TTC28: variants seen among roughly 807,000 people sequenced by gnomAD.
TTC28 encodes the protein tetratricopeptide repeat domain 28, also known as tetratricopeptide repeat protein 28.
TTC28 carries 61 observed loss-of-function variants against 198.0 expected under a neutral mutation model. The observed-to-expected ratio is 0.31, with a 90% confidence interval of 0.25 to 0.38. The LOEUF (loss-of-function observed/expected upper bound fraction) is 0.38, where lower values mean the gene tolerates loss of function less well. Ranked by LOEUF, TTC28 falls within the 10% of genes least tolerant of loss-of-function variation. The probability of loss-of-function intolerance (pLI) is 1.00; values close to 1 mark genes in which losing one functional copy is unlikely to be tolerated. For missense variants in TTC28, 2,678 were observed against 3,164.0 expected (o/e 0.85, Z 3.69); for synonymous variants, 1,171 against 1,297.8 (o/e 0.90, Z 2.10).
intron 2 of TTC28, among the ~76,000 whole-genome samples, chr22:28,370,711 TAG>T (rs1178402712): frequency 6.6e-6 from 1 of 151,912 alleles, no homozygotes; most frequent in Non-Finnish European, 1.5e-5. Context: ...AAGAGAGTAG[TAG>T]AGAGAGAGAC....
intron 12 of TTC28, among the ~76,000 whole-genome samples, chr22:28,036,082 C>T (rs998937854): frequency 1.6e-4 from 25 of 152,094 alleles, no homozygotes; most frequent in East Asian, 5.8e-4. Context: ...GACAGATCAA[C>T]GAGACAGAAG....
chr22:28,381,154 G>C (rs1265977767), intron 2 of TTC28, among the ~76,000 whole-genome samples: 1 of 149,238 alleles, frequency 6.7e-6, no homozygotes, highest in East Asian at 1.9e-4. Flanking sequence ...AAAAAGAAAA[G>C]AAAAAAAAGT....
chr22:28,650,677 G>C (rs555831352), intron 1 of TTC28, among the ~76,000 whole-genome samples: 2 of 152,308 alleles, frequency 1.3e-5, no homozygotes, highest in South Asian at 4.1e-4. Context: ...ATCCAAGGGA[G>C]AGAGAAACCT....
chr22:28,371,271 A>G (rs2046326808), intron 2 of TTC28, among the ~76,000 whole-genome samples: 1 of 151,336 alleles, frequency 6.6e-6, no homozygotes, highest in Non-Finnish European at 1.5e-5. Flanking sequence ...TAGTCCCAGC[A>G]CTTTGGGAGG....
intron 5 of TTC28, among the ~76,000 whole-genome samples, chr22:28,199,419 A>G (rs962979576): frequency 4.3e-5 from 5 of 116,676 alleles, no homozygotes; most frequent in African/African-American, 9.6e-5. Flanking sequence ...ATATATATAT[A>G]TATGTAACTA....
intron 2 of TTC28, among the ~76,000 whole-genome samples, chr22:28,517,358 A>C (rs1601499648): frequency 6.6e-6 from 1 of 152,226 alleles, no homozygotes; most frequent in African/African-American, 2.4e-5. Flanking sequence ...ATACTAAAAA[A>C]ATCAAGTTGC....
chr22:28,408,552 G>A (rs1004886100), intron 2 of TTC28, among the ~76,000 whole-genome samples: 7 of 152,048 alleles, frequency 4.6e-5, no homozygotes, highest in African/African-American at 1.2e-4. Flanking sequence ...CACCACACCC[G>A]GCTAATTTTT....
chr22:28,262,805 G>A (rs887894924), intron 5 of TTC28, among the ~76,000 whole-genome samples: 4 of 152,224 alleles, frequency 2.6e-5, no homozygotes, highest in Non-Finnish European at 2.9e-5. Flanking sequence ...GGAGAACTAG[G>A]GCTTTCCTTA....
chr22:28,233,702 T>G (rs983484313), intron 5 of TTC28, among the ~76,000 whole-genome samples: 11 of 152,126 alleles, frequency 7.2e-5, no homozygotes, highest in African/African-American at 2.4e-4. Flanking sequence ...GATCACGAGT[T>G]AAATGACAAT....
intron 5 of TTC28, among the ~76,000 whole-genome samples, chr22:28,247,870 T>C (rs1930222167): frequency 6.6e-6 from 1 of 152,160 alleles, no homozygotes; most frequent in Non-Finnish European, 1.5e-5. Flanking sequence ...TTGAATGGTT[T>C]TGACTACCTA....
rs190245655 is a variant in TTC28, at chr22:28,108,198, G to A, written c.1647C>T (p.Asp549=). 6.4e-7 allele frequency: 1 copy of A among 1,551,628 alleles called. No individual in the cohort carries two copies. Among genetic ancestry groups the A allele is most frequent in the East Asian group, 2.4e-5 (1 of 40,908 alleles). ...QELQISMEVN[D]RASQASTHGN... ...CATGTGTGGAGGCCTGTGAGGCGCGGTCATTCACTTCCATGGAGATCTGCA... is the reference window on the plus strand; with the variant it reads ...CATGTGTGGAGGCCTGTGAGGCGCGATCATTCACTTCCATGGAGATCTGCA... Residue 549 remains aspartate (D), a synonymous_variant, in exon 7 of 23, where the codon GAC becomes GAT. Coordinates refer to ENST00000397906, the MANE Select transcript of TTC28 (RefSeq NM_001145418.2).
rs532774262 is a variant in TTC28 at position 28,671,431 on chromosome 22, C to T, written c.102+8191G>A. On this transcript the variant is annotated intron_variant, in intron 1 of 22. Coordinates refer to ENST00000397906, the MANE Select transcript of TTC28 (RefSeq NM_001145418.2). ...CAGGTGGATCACGAGGTCAGGAGAT[C>T]GAGACCATCCTATCTAACACAGTGA... is the stretch of plus-strand genomic sequence containing the variant. Among the ~76,000 whole-genome samples the T allele has an allele frequency of 5.9e-3, 899 of 151,842 alleles. 9 individuals are homozygous for T. Among genetic ancestry groups the T allele is most frequent in the Non-Finnish European group, 7.8e-3 (528 of 67,948 alleles).
intron 1 of TTC28, among the ~76,000 whole-genome samples, chr22:28,658,578 T>C (rs898860713): frequency 2.0e-5 from 3 of 152,234 alleles, no homozygotes; most frequent in Admixed American, 2.0e-4. Flanking sequence ...GTTTCACTTT[T>C]ACAAGATGAA....
chr22:28,369,094 T>G (rs2046290337), intron 2 of TTC28, among the ~76,000 whole-genome samples: 1 of 151,854 alleles, frequency 6.6e-6, no homozygotes, highest in Admixed American at 6.6e-5. Context: ...TCCTAAAATG[T>G]ATATGGAATC....
chr22:28,118,330 C>T (rs975556877), intron 6 of TTC28, among the ~76,000 whole-genome samples: 1 of 151,408 alleles, frequency 6.6e-6, no homozygotes, highest in Non-Finnish European at 1.5e-5. Context: ...ACCCAGGAGG[C>T]GGAGGTTGCA....
At chr22:28,156,970 T>C (rs1943762647) in intron 6 of TTC28, among the ~76,000 whole-genome samples, 1 of 152,106 alleles carries the variant, frequency 6.6e-6, no homozygotes. Context: ...ATAAAATTAA[T>C]TTGAAATTAA....
At chr22:28,027,279 G>A (rs2146621120) in intron 13 of TTC28, among the ~76,000 whole-genome samples, 1 of 152,288 alleles carries the variant, frequency 6.6e-6, no homozygotes. Flanking sequence ...CCAAGGTCAG[G>A]GTGCTGGCCA....
At chr22:28,058,335 T>C (rs2146727129) in intron 12 of TTC28, among the ~76,000 whole-genome samples, 1 of 152,252 alleles carries the variant, frequency 6.6e-6, no homozygotes, top group Admixed American at 6.5e-5. Context: ...AATCACCTTA[T>C]CAATTTGGAG....
chr22:28,041,675 A>G (rs907507608), intron 12 of TTC28, among the ~76,000 whole-genome samples: 4 of 152,236 alleles, frequency 2.6e-5, no homozygotes, highest in African/African-American at 9.6e-5. Context: ...AGGCATGGGC[A>G]AAGACTTCAT....
Sources: allele counts gnomAD v4.1 joint callset (sites outside exome capture counted in the v4.1 genomes callset), GRCh38; gene constraint gnomAD v4.1.1; transcripts MANE v1.5; gene names NCBI Gene and HGNC (gene_info 2026-07-23, HGNC 2026-07-21).